CACNA1E: variants seen among roughly 807,000 people sequenced by gnomAD.
The protein encoded by CACNA1E is voltage-dependent R-type calcium channel subunit alpha-1E.
Under a neutral mutation model 259.2 loss-of-function variants are expected in CACNA1E, and 40 were observed. The ratio of observed to expected loss-of-function variants is 0.15; its 90% CI spans 0.12 to 0.20. CACNA1E has a LOEUF of 0.20. CACNA1E is among the 10% of genes least tolerant of loss of function. CACNA1E has a pLI of 1.00. For missense variants in CACNA1E, 1,874 were observed against 3,040.1 expected (o/e 0.62, Z 9.02); for synonymous variants, 1,104 against 1,138.5 (o/e 0.97, Z 0.61).
chr1:181,362,937 A>G (rs1179127231), intron 1 of CACNA1E, among the ~76,000 whole-genome samples: 1 of 152,184 alleles, frequency 6.6e-6, no homozygotes, highest in East Asian at 1.9e-4. Flanking sequence ...TTATAAGTTT[A>G]CTGAAGACAA....
At chr1:181,566,309 A>G (rs1026470879) in intron 3 of CACNA1E, among the ~76,000 whole-genome samples, 1 of 152,180 alleles carries the variant, frequency 6.6e-6, no homozygotes, top group Non-Finnish European at 1.5e-5. Flanking sequence ...TAATTCTCAA[A>G]CTTATAAAAT....
intron 3 of CACNA1E, among the ~76,000 whole-genome samples, chr1:181,568,866 T>C (rs1553282106): frequency 6.6e-6 from 1 of 152,132 alleles, no homozygotes; most frequent in Non-Finnish European, 1.5e-5. Flanking sequence ...TGGCCTCCAT[T>C]AAGTGCTGGG....
exon 2 of CACNA1E, chr1:181,413,390 G>A (rs953376114): frequency 1.3e-5 from 2 of 152,662 alleles, no homozygotes; most frequent in African/African-American, 4.8e-5. Context: ...CTTCTTCCAG[G>A]TGCAGGAGGG....
At chr1:181,508,908 C>T (rs1365829183) in intron 1 of CACNA1E, among the ~76,000 whole-genome samples, 2 of 152,030 alleles carry the variant, frequency 1.3e-5, no homozygotes, top group Non-Finnish European at 2.9e-5. Context: ...GCTCTGAAGT[C>T]CCCTGAGGCC....
intron 6 of CACNA1E, among the ~76,000 whole-genome samples, chr1:181,634,385 C>G (rs1657016955): frequency 6.6e-6 from 1 of 152,204 alleles, no homozygotes; most frequent in African/African-American, 2.4e-5. Context: ...TTGTCATTTG[C>G]TTCCCTCTCT....
intron 1 of CACNA1E, among the ~76,000 whole-genome samples, chr1:181,340,025 C>A (rs934904320): frequency 6.6e-6 from 1 of 150,670 alleles, no homozygotes; most frequent in African/African-American, 2.4e-5. Flanking sequence ...ATTATTCTTA[C>A]AAAGGCCTTC....
At chr1:181,675,208 A>T (rs1207017627) in intron 7 of CACNA1E, among the ~76,000 whole-genome samples, 1 of 152,170 alleles carries the variant, frequency 6.6e-6, no homozygotes, top group African/African-American at 2.4e-5. Flanking sequence ...GCAGGAAGGA[A>T]TATATCTGCT....
intron 3 of CACNA1E, among the ~76,000 whole-genome samples, chr1:181,550,855 G>T (rs1044657846): frequency 5.3e-5 from 8 of 152,150 alleles, no homozygotes; most frequent in Non-Finnish European, 1.2e-4. Context: ...AGAGGGAGGG[G>T]AGGCCGAGTG....
chr1:181,513,691 G>A (rs1666334058), intron 3 of CACNA1E, among the ~76,000 whole-genome samples: 1 of 152,160 alleles, frequency 6.6e-6, no homozygotes, highest in Non-Finnish European at 1.5e-5. Flanking sequence ...GCAAATAAGG[G>A]TTGCTACATG....
intron 1 of CACNA1E, among the ~76,000 whole-genome samples, chr1:181,401,708 T>A (rs1215847002): frequency 6.6e-6 from 1 of 152,232 alleles, no homozygotes; most frequent in Non-Finnish European, 1.5e-5. Flanking sequence ...CTAGTTTCAG[T>A]GAAAACTGCA....
At chr1:181,337,666 T>G (rs958105402) in intron 1 of CACNA1E, among the ~76,000 whole-genome samples, 3 of 152,228 alleles carry the variant, frequency 2.0e-5, no homozygotes, top group Non-Finnish European at 4.4e-5. Context: ...TCCAGTTTCA[T>G]TCGTGTTGTC....
chr1:181,563,122 A>G (rs1649485028), intron 3 of CACNA1E, among the ~76,000 whole-genome samples: 1 of 152,162 alleles, frequency 6.6e-6, no homozygotes, highest in South Asian at 2.1e-4. Context: ...CAGACAGCTG[A>G]TATTTTATAA....
At chr1:181,655,666 A>G (rs1659149244) in intron 7 of CACNA1E, among the ~76,000 whole-genome samples, 1 of 152,186 alleles carries the variant, frequency 6.6e-6, no homozygotes, top group Admixed American at 6.5e-5. Flanking sequence ...GATGGAGGAG[A>G]GAAAGAAGAG....
intron 1 of CACNA1E, among the ~76,000 whole-genome samples, chr1:181,349,524 G>A (rs1042410860): frequency 2.0e-5 from 3 of 152,214 alleles, no homozygotes; most frequent in Non-Finnish European, 4.4e-5. Context: ...ATAGAGAAGG[G>A]AGACCTTGAA....
intron 6 of CACNA1E, among the ~76,000 whole-genome samples, chr1:181,592,125 G>A (rs1020739823): frequency 6.6e-6 from 1 of 152,174 alleles, no homozygotes; most frequent in Non-Finnish European, 1.5e-5. Flanking sequence ...CAAAAGAGAG[G>A]AGATGCTTCC....
chr1:181,426,548 A>T (rs1450055275), intron 2 of CACNA1E, among the ~76,000 whole-genome samples: 1 of 147,072 alleles, frequency 6.8e-6, no homozygotes, highest in Admixed American at 6.7e-5. Flanking sequence ...TTAACAACAG[A>T]ACCCCTTCCC....
At chr1:181,591,345 T>C (rs1652626158) in intron 6 of CACNA1E, among the ~76,000 whole-genome samples, 1 of 152,224 alleles carries the variant, frequency 6.6e-6, no homozygotes, top group Non-Finnish European at 1.5e-5. Context: ...CTTGTTTGCT[T>C]TTATAAAGTG....
intron 43 of CACNA1E, 74 bp downstream of exon 43, chr1:181,785,893 C>T: frequency 2.2e-6 from 2 of 915,034 alleles, no homozygotes; most frequent in Non-Finnish European, 3.5e-6. Context: ...GACCCCAAAA[C>T]TCACTGCTCA....
At position 181,801,887 on chromosome 1, in the gene CACNA1E, C is replaced by T. The variant is rs1183833978; in HGVS notation, c.*3053C>T. On this transcript the variant is annotated 3_prime_UTR_variant, in exon 48 of 48. Coordinates refer to ENST00000367573, the MANE Select transcript of CACNA1E (RefSeq NM_001205293.3). ...CTTCACCATCTCCTCAAAACAAGAGCAAAGCCAAGATAGAGGAAGGTAAAA... is the reference window on the plus strand; with the variant it reads ...CTTCACCATCTCCTCAAAACAAGAGTAAAGCCAAGATAGAGGAAGGTAAAA... 6.6e-6 allele frequency: 1 copy of T among 152,234 alleles called. No individual in the cohort carries two copies. Among genetic ancestry groups the T allele is most frequent in the Non-Finnish European group, 1.5e-5 (1 of 68,058 alleles). The allele number at this position is 152,234 out of a possible 1,614,324, so 9.4% of individuals were successfully genotyped here. A position where few individuals can be genotyped will look rare whatever the true frequency, so the allele number is the denominator to read the frequency against.
Sources: allele counts gnomAD v4.1 joint callset (sites outside exome capture counted in the v4.1 genomes callset), GRCh38; gene constraint gnomAD v4.1.1; transcripts MANE v1.5; gene names NCBI Gene and HGNC (gene_info 2026-07-23, HGNC 2026-07-21).